The following PGS1 variants were observed in gnomAD, a reference collection of about 807,000 sequenced individuals.
PGS1 encodes CDP-diacylglycerol--glycerol-3-phosphate 3-phosphatidyltransferase, mitochondrial.
PGS1 carries 44 observed loss-of-function variants against 58.3 expected under a neutral mutation model. The observed-to-expected ratio is 0.75, with a 90% CI of 0.59 to 0.97. The LOEUF is 0.97. Among genes scored for constraint, PGS1 ranks in the 50% least tolerant of loss-of-function variants. The pLI is 0.00. For synonymous variants in PGS1, 330 were observed against 311.0 expected (o/e 1.06, Z -0.64); for missense variants, 684 against 731.1 (o/e 0.94, Z 0.74).
chr17:78,419,168 C>G (rs962124722), intron 8 of PGS1, among the ~76,000 whole-genome samples: 1 of 152,076 alleles, frequency 6.6e-6, no homozygotes, highest in Admixed American at 6.5e-5. Flanking sequence ...CCACCATACC[C>G]GGCTAATTTT....
At chr17:78,383,595 C>T (rs2082183544) in intron 1 of PGS1, among the ~76,000 whole-genome samples, 1 of 152,154 alleles carries the variant, frequency 6.6e-6, no homozygotes, top group African/African-American at 2.4e-5. Context: ...TGAGGGACCA[C>T]CAGATTTCCA....
chr17:78,391,315 C>T (rs777549419), intron 1 of PGS1, among the ~76,000 whole-genome samples: 34 of 152,088 alleles, frequency 2.2e-4, no homozygotes, highest in Non-Finnish European at 4.6e-4. Context: ...CTTTTCTTTC[C>T]GAGTCTGATT....
chr17:78,397,293 A>G (rs1001605652), intron 3 of PGS1, among the ~76,000 whole-genome samples: 3 of 152,184 alleles, frequency 2.0e-5, no homozygotes, highest in African/African-American at 7.2e-5. Context: ...AGTGAAACAG[A>G]CGGGCCCATT....
rs1440985945 is a variant in PGS1 at position 78,399,446 on chromosome 17, C to T, written c.610C>T (p.Leu204Phe). Residue 204 changes from leucine (L) to phenylalanine (F), a missense_variant, in exon 5 of 10, where the codon CTT becomes TTT. Transcript: ENST00000262764. ...LFHTPHLRGLLRLLIPERFNE... is the reference protein window; with the variant it reads ...LFHTPHLRGLFRLLIPERFNE... Reference sequence around the variant, plus strand: ...TCACACGCCGCACCTCCGTGGGCTGCTTCGGCTCCTCATCCCTGAGCGCTT... The same window carrying T: ...TCACACGCCGCACCTCCGTGGGCTGTTTCGGCTCCTCATCCCTGAGCGCTT... 3.7e-6 allele frequency: 6 copies of T among 1,614,054 alleles called. No homozygotes were observed. Among genetic ancestry groups the T allele is most frequent in the Non-Finnish European group, 3.4e-6 (4 of 1,180,032 alleles).
At position 78,424,042 on chromosome 17, in the gene PGS1, G is replaced by A. The variant is rs768324369; in HGVS notation, c.*11-19G>A. On this transcript the variant is annotated intron_variant, in intron 9 of 9. Transcript: ENST00000262764. ...CACGGGACACTCATAGATGTTCTTG[G>A]TCTCCATGCGGTCCACAGGAATGGC... The A allele has an allele frequency of 6.2e-7, 1 of 1,614,066 alleles. No homozygotes were observed. Among genetic ancestry groups the A allele is most frequent in the South Asian group, 1.1e-5 (1 of 91,084 alleles).
intron 1 of PGS1, among the ~76,000 whole-genome samples, chr17:78,380,463 C>G (rs547945695): frequency 6.6e-6 from 1 of 152,276 alleles, no homozygotes; most frequent in African/African-American, 2.4e-5. Flanking sequence ...GGCAGGATGG[C>G]GCTCTTGGAA....
At chr17:78,409,753 G>GA (rs1362139932) in intron 7 of PGS1, among the ~76,000 whole-genome samples, 1 of 152,222 alleles carries the variant, frequency 6.6e-6, no homozygotes, top group Non-Finnish European at 1.5e-5. Flanking sequence ...AATACTGTGG[G>GA]AGTGCTTGAG....
In PGS1 at chr17:78,381,598, A is replaced by G. The variant is rs980632550; in HGVS notation, c.143+2790A>G. On this transcript the variant is annotated intron_variant, in intron 1 of 9. Transcript: ENST00000262764. ...CTCCCAATTTCTCATTCCCCGAATGATGTGGTTTCTTGTAACTCGCTGATC... is the reference window on the plus strand; with the variant it reads ...CTCCCAATTTCTCATTCCCCGAATGGTGTGGTTTCTTGTAACTCGCTGATC... Among the ~76,000 whole-genome samples, 6 of 152,226 alleles carry G rather than the reference A, an allele frequency of 3.9e-5. No homozygotes were observed. The South Asian group carries it at 1.0e-3, about 26-fold the overall frequency.
In PGS1 at chr17:78,383,465, G is replaced by A. The variant is rs373997256; in HGVS notation, c.143+4657G>A. 1.4e-3 allele frequency among the ~76,000 whole-genome samples: 216 copies of A among 151,804 alleles called. 2 individuals are homozygous for A. The highest frequency in any genetic ancestry group is 4.8e-3 in the African/African-American group (200 of 41,368). ...GGTTTTGAACTCCTGACCTCAGGTGGTCCGCCCACCTCAGCCTCCCAAAGT... is the reference window on the plus strand; with the variant it reads ...GGTTTTGAACTCCTGACCTCAGGTGATCCGCCCACCTCAGCCTCCCAAAGT... On this transcript the variant is annotated intron_variant, in intron 1 of 9. Transcript: ENST00000262764.
At chr17:78,423,811 CA>C in intron 9 of PGS1, 1 of 1,482,514 alleles carries the variant, frequency 6.7e-7, no homozygotes, top group Non-Finnish European at 9.2e-7. Flanking sequence ...GAAAAACCAC[CA>C]CCAGTTCCTG....
intron 1 of PGS1, among the ~76,000 whole-genome samples, chr17:78,391,508 C>T (rs554514928): frequency 1.8e-3 from 266 of 151,956 alleles, no homozygotes; most frequent in African/African-American, 6.3e-3. Context: ...GACAGAGTCT[C>T]GTTCTGTCAC....
intron 1 of PGS1, among the ~76,000 whole-genome samples, chr17:78,385,624 T>C (rs867141877): frequency 6.6e-5 from 10 of 152,086 alleles, no homozygotes; most frequent in African/African-American, 2.4e-4. Flanking sequence ...GGGGTTTCAC[T>C]GTGTTGGCCA....
intron 2 of PGS1, among the ~76,000 whole-genome samples, chr17:78,394,219 C>T (rs2083054633): frequency 6.7e-6 from 1 of 149,444 alleles, no homozygotes; most frequent in Admixed American, 6.7e-5. Context: ...TCTGATGGGG[C>T]CAGGCAAGCA....
chr17:78,382,836 G>A (rs12452647), intron 1 of PGS1: 24,112 of 151,568 alleles, frequency 0.16, 1,936 homozygotes, highest in East Asian at 0.3. Flanking sequence ...TAGTAGAGAC[G>A]GGGTTTCACC....
intron 8 of PGS1, among the ~76,000 whole-genome samples, chr17:78,415,955 T>A (rs2085152008): frequency 2.0e-5 from 3 of 152,228 alleles, no homozygotes; most frequent in African/African-American, 7.2e-5. Context: ...CATCGGACGG[T>A]AACTTTGTGA....
chr17:78,387,943 CAT>C (rs1388884711), intron 1 of PGS1, among the ~76,000 whole-genome samples: 1 of 152,258 alleles, frequency 6.6e-6, no homozygotes, highest in East Asian at 1.9e-4. Context: ...GTCTCCTTGG[CAT>C]ATGTTGTCAT....
chr17:78,388,661 C>T (rs1320267710), intron 1 of PGS1, among the ~76,000 whole-genome samples: 2 of 151,980 alleles, frequency 1.3e-5, no homozygotes, highest in African/African-American at 2.4e-5. Flanking sequence ...CTTCTGCTTA[C>T]GTCCCTTCAC....
Position 78,400,332 on chromosome 17 carries a change from C to T in PGS1, c.702-345C>T, listed in dbSNP as rs2083558119. 6.6e-6 allele frequency among the ~76,000 whole-genome samples: 1 copy of T among 151,902 alleles called. No homozygotes were observed. Among genetic ancestry groups the T allele is most frequent in the Non-Finnish European group, 1.5e-5 (1 of 67,976 alleles). ...CCTGGGAGGCGGAGGCTGCAGGGAGCCAAGATCATGCCACTGCACTCCAGC... is the reference window on the plus strand; with the variant it reads ...CCTGGGAGGCGGAGGCTGCAGGGAGTCAAGATCATGCCACTGCACTCCAGC... On this transcript the variant is annotated intron_variant, in intron 5 of 9. Coordinates refer to ENST00000262764, the MANE Select transcript of PGS1 (RefSeq NM_024419.5). This position sits in a 1 kb window ranked among gnomAD's most constrained non-coding sequence, Gnocchi z 4.4.
intron 1 of PGS1, among the ~76,000 whole-genome samples, chr17:78,390,836 C>T (rs753172986): frequency 2.6e-5 from 4 of 152,148 alleles, no homozygotes; most frequent in Non-Finnish European, 5.9e-5. Context: ...GTGGAGTCCG[C>T]TGGGGTGCAG....
Sources: gnomAD v4.1 joint callset for allele counts (sites outside exome capture counted in the v4.1 genomes callset) on GRCh38, gnomAD v4.1.1 for gene constraint, Gnocchi (gnomAD v3.1) non-coding constraint, MANE v1.5 for transcripts, NCBI Gene and HGNC (gene_info 2026-07-23, HGNC 2026-07-21) for gene names.